Variants in TPCN1 observed in about 807,000 individuals in gnomAD.
TPCN1 encodes two pore channel protein 1.
Under a neutral mutation model 108.8 loss-of-function variants are expected in TPCN1, and 52 were observed. The observed-to-expected ratio is 0.48, with a 90% CI of 0.38 to 0.60. The LOEUF is 0.60. Among genes scored for constraint, TPCN1 ranks in the 20% least tolerant of loss-of-function variants. TPCN1 has a pLI of 0.00. For synonymous variants in TPCN1, 446 were observed against 433.7 expected, an observed-to-expected ratio of 1.03 and a Z score of -0.35; for missense variants, 806 against 1,072.8, an observed-to-expected ratio of 0.75 and a Z score of 3.47.
intron 2 of TPCN1, among the ~76,000 whole-genome samples, chr12:113,242,793 C>T (rs560315304): frequency 1.3e-5 from 2 of 152,320 alleles, no homozygotes; most frequent in Admixed American, 1.3e-4. Flanking sequence ...CCTCCTCATC[C>T]CTCATGCTTG....
rs753511756 is a variant in TPCN1 at position 113,280,171 on chromosome 12, T to A, written c.1318T>A (p.Ser440Thr). The change falls in exon 15 of 28, where the codon TCC becomes ACC. Residue 440 changes from serine to threonine, a missense_variant. Ser to Thr is a moderately conservative substitution (Grantham distance 58). Coordinates refer to ENST00000335509, the MANE Select transcript of TPCN1 (RefSeq NM_017901.6). ...IFKGINILVK[S>T]KAFQYFMYLV... Reference sequence around the variant, plus strand: ...AATAGGTATTAATATCCTTGTGAAGTCCAAGGCCTTCCAGTATTTCATGTG... The same window carrying A: ...AATAGGTATTAATATCCTTGTGAAGACCAAGGCCTTCCAGTATTTCATGTG... The A allele has an allele frequency of 1.2e-6, 2 of 1,609,374 alleles. No individual in the cohort carries two copies. The highest frequency in any genetic ancestry group is 1.7e-6 in the Non-Finnish European group (2 of 1,176,038).
intron 4 of TPCN1, among the ~76,000 whole-genome samples, 186 bp from the exon 5 acceptor site, chr12:113,267,657 T>C (rs2136621182): frequency 6.6e-6 from 1 of 152,298 alleles, no homozygotes; most frequent in Middle Eastern, 3.4e-3. Flanking sequence ...AGTTTATGTT[T>C]AGTTGTTCTG....
rs763757779 is a variant in TPCN1, at chr12:113,288,339, A to G, written c.1706+105A>G. The G allele has an allele frequency of 1.3e-6, 2 of 1,556,930 alleles. No homozygotes were observed. The highest frequency in any genetic ancestry group is 2.7e-5 in the African/African-American group (2 of 73,506). ...TCGGGGGAAAGGAGTTCCACAAAGGACTGCAATCGAGGGCCTGACGGGGCT... is the reference window on the plus strand; with the variant it reads ...TCGGGGGAAAGGAGTTCCACAAAGGGCTGCAATCGAGGGCCTGACGGGGCT... On this transcript the variant is annotated intron_variant, in intron 20 of 27. Transcript: ENST00000335509. This position sits in a 1 kb window ranked among gnomAD's most constrained non-coding sequence, Gnocchi z 4.8.
chr12:113,291,357 G>A (rs1406509014), intron 23 of TPCN1, among the ~76,000 whole-genome samples: 4 of 152,284 alleles, frequency 2.6e-5, no homozygotes, highest in East Asian at 1.9e-4. Context: ...AAACTTTCCC[G>A]ACTCCCAGCC....
intron 1 of TPCN1, among the ~76,000 whole-genome samples, chr12:113,225,951 C>A (rs1422613088): frequency 6.6e-6 from 1 of 152,192 alleles, no homozygotes; most frequent in Non-Finnish European, 1.5e-5. Flanking sequence ...AACTCCTGGG[C>A]TCAAGTGAGC....
intron 2 of TPCN1, among the ~76,000 whole-genome samples, chr12:113,233,560 A>C (rs1239670669): frequency 5.3e-5 from 8 of 152,212 alleles, no homozygotes; most frequent in Admixed American, 5.2e-4. Context: ...GTGGCTCTCC[A>C]TTCTTGCCCT....
chr12:113,296,298 G>A lies in TPCN1; in HGVS notation c.*222G>A. Reference sequence around the variant, plus strand: ...TGAGGGGTGGGGGTGCGGCCACCAGGTCTGAGCTCTTCCTACTGTGGAAGG... The same window carrying A: ...TGAGGGGTGGGGGTGCGGCCACCAGATCTGAGCTCTTCCTACTGTGGAAGG... On this transcript the variant is annotated 3_prime_UTR_variant, in exon 28 of 28. Transcript: ENST00000335509. The A allele has an allele frequency of 1.7e-6, 1 of 604,964 alleles. No homozygotes were observed. The highest frequency in any genetic ancestry group is 2.8e-6 in the Non-Finnish European group (1 of 362,184). 37.5% of individuals were successfully genotyped at this position (604,964 alleles called of 1,614,324 possible). A position where few individuals can be genotyped will look rare whatever the true frequency, so the allele number is the denominator to read the frequency against.
chr12:113,290,567 C>T (rs1288280149), intron 22 of TPCN1, among the ~76,000 whole-genome samples: 1 of 152,254 alleles, frequency 6.6e-6, no homozygotes, highest in Middle Eastern at 3.2e-3. Flanking sequence ...ACTGCTGCTG[C>T]AGCTGCACTG....
chr12:113,292,662 G>A, intron 25 of TPCN1: 1 of 377,174 alleles, frequency 2.7e-6, no homozygotes, highest in Non-Finnish European at 4.8e-6. Context: ...TGTGCTATCA[G>A]ACCATCTGAC....
Position 113,268,627 on chromosome 12 carries a change from G to T in TPCN1, c.529-115G>T. On this transcript the variant is annotated intron_variant, in intron 5 of 27. Transcript: ENST00000335509. The surrounding 1 kb of genome is among the most constrained non-coding windows in gnomAD (Gnocchi z 7.3). Reference sequence around the variant, plus strand: ...AGGAAGTGTGAGAGGGCTGGAGAGAGGAGAAGGCCTCCCGAGGCCAGAGTG... The same window carrying T: ...AGGAAGTGTGAGAGGGCTGGAGAGATGAGAAGGCCTCCCGAGGCCAGAGTG... The T allele has an allele frequency of 1.5e-6, 2 of 1,357,080 alleles. No individual in the cohort carries two copies. The highest frequency in any genetic ancestry group is 1.3e-5 in the South Asian group (1 of 75,334). The allele number at this position is 1,357,080 out of a possible 1,614,324, so 84.1% of individuals were successfully genotyped here.
rs1050431815 is a variant in TPCN1, at chr12:113,247,441, G to A, written c.113-12927G>A. Among the ~76,000 whole-genome samples, 3 of 152,208 alleles carry A rather than the reference G, an allele frequency of 2.0e-5. No individual in the cohort carries two copies. In the East Asian group the frequency reaches 5.8e-4, roughly 29 times the overall value. On this transcript the variant is annotated intron_variant, in intron 2 of 27. Transcript: ENST00000335509. ...GAAATGTCCTCCTCAGAAAGCTGCC[G>A]AGCCTTCGAGCATACCTTCTGCGGG...
chr12:113,225,854 TA>T, intron 1 of TPCN1, among the ~76,000 whole-genome samples: 1 of 151,924 alleles, frequency 6.6e-6, no homozygotes, highest in Non-Finnish European at 1.5e-5. Context: ...GTGCCCGGCC[TA>T]ATTCTTTTAT....
At position 113,230,560 on chromosome 12, in the gene TPCN1, A is replaced by AGCTCTGT. The variant is rs562461387; in HGVS notation, c.112+3596_112+3597insGCTCTGT. Among the ~76,000 whole-genome samples the AGCTCTGT allele has an allele frequency of 1.5e-4, 23 of 152,232 alleles. No individual in the cohort carries two copies. The East Asian group carries it at 3.3e-3, about 22-fold the overall frequency. Reference sequence around the variant, plus strand: ...GTGTCTGTCCTCTTCTGATAAAGACACCAGTCCTATTGGATTAGAGCTCAT... The same window carrying AGCTCTGT: ...GTGTCTGTCCTCTTCTGATAAAGACAGCTCTGTCCAGTCCTATTGGATTAGAGCTCAT... On this transcript the variant is annotated intron_variant, in intron 2 of 27. Transcript: ENST00000335509.
At position 113,263,994 on chromosome 12, in the gene TPCN1, C is replaced by A. The variant is rs12581181; in HGVS notation, c.238-2186C>A. Among the ~76,000 whole-genome samples, 9 of 152,328 alleles carry A rather than the reference C, an allele frequency of 5.9e-5. No homozygotes were observed. The East Asian group carries it at 1.7e-3, about 29-fold the overall frequency. The stretch of plus-strand genomic sequence containing the variant: ...CAACTCCAAGTCCTAGAGTTAAAAT[C>A]TGAGCCCCATGTCAGTGGTTCTTCT... On this transcript the variant is annotated intron_variant, in intron 3 of 27. Coordinates refer to ENST00000335509, the MANE Select transcript of TPCN1 (RefSeq NM_017901.6).
At chr12:113,244,842 A>G in intron 2 of TPCN1, 3 of 872,828 alleles carry the variant, frequency 3.4e-6, no homozygotes, top group Non-Finnish European at 4.1e-6. Flanking sequence ...TAAGATCGTG[A>G]ACTGTGGGGA....
At position 113,278,815 on chromosome 12, in the gene TPCN1, C is replaced by T. The variant is rs368409709; in HGVS notation, c.1277C>T (p.Thr426Met). The T allele has an allele frequency of 2.0e-5, 32 of 1,613,924 alleles. No homozygotes were observed. The highest frequency in any genetic ancestry group is 3.3e-5 in the South Asian group (3 of 91,080). The change falls in exon 14 of 28, where the codon ACG (threonine) becomes ATG (methionine). Residue 426 changes from threonine to methionine, a missense_variant. Coordinates refer to ENST00000335509, the MANE Select transcript of TPCN1 (RefSeq NM_017901.6). ...REHWFDELPR[T>M]ALLIFKGINI... ...CACTGGTTTGATGAGCTTCCCAGGA[C>T]GGCGCTCCTCATCTTCAAAGGTAAG...
intron 2 of TPCN1, among the ~76,000 whole-genome samples, chr12:113,248,605 C>T (rs560024386): frequency 6.7e-4 from 102 of 152,254 alleles, no homozygotes; most frequent in Non-Finnish European, 1.1e-3. Context: ...GGCCCCAAGG[C>T]GGAGTGTTCC....
At chr12:113,254,326 A>T (rs1000566700) in intron 2 of TPCN1, among the ~76,000 whole-genome samples, 3 of 152,236 alleles carry the variant, frequency 2.0e-5, no homozygotes, top group Admixed American at 2.0e-4. Flanking sequence ...AGCCCATTTT[A>T]TGAGGCCAGC....
At chr12:113,235,507 TAAAAAAAA>T (rs35994827) in intron 2 of TPCN1, among the ~76,000 whole-genome samples, 1 of 143,224 alleles carries the variant, frequency 7.0e-6, no homozygotes, top group Non-Finnish European at 1.5e-5. Context: ...AGTAGTGGTT[TAAAAAAAA>T]AAAAAAGAAA....
Sources: gnomAD v4.1 joint callset for allele counts (sites outside exome capture counted in the v4.1 genomes callset) on GRCh38, gnomAD v4.1.1 for gene constraint, Gnocchi (gnomAD v3.1) non-coding constraint, MANE v1.5 for transcripts, NCBI Gene and HGNC (gene_info 2026-07-23, HGNC 2026-07-21) for gene names.